RBM20: variants seen among roughly 807,000 people sequenced by gnomAD.
RBM20 encodes RNA-binding protein 20.
RBM20 carries 51 observed loss-of-function variants against 110.1 expected under a neutral mutation model. That is an observed-to-expected ratio of 0.46 (90% confidence interval 0.37 to 0.59). The LOEUF is 0.59. Ranked by LOEUF, RBM20 falls within the 20% of genes least tolerant of loss-of-function variation. The pLI is 0.00. For missense variants in RBM20, 1,512 were observed against 1,574.9 expected (o/e 0.96, Z 0.68); for synonymous variants, 589 against 618.2 (o/e 0.95, Z 0.70).
chr10:110,690,656 T>C (rs1454150636), intron 1 of RBM20, among the ~76,000 whole-genome samples: 1 of 152,248 alleles, frequency 6.6e-6, no homozygotes, highest in East Asian at 1.9e-4. Context: ...GTCCTTTTTG[T>C]CTGGCTTATT....
intron 1 of RBM20, among the ~76,000 whole-genome samples, chr10:110,666,973 G>A (rs1862187519): frequency 6.6e-6 from 1 of 152,184 alleles, no homozygotes; most frequent in African/African-American, 2.4e-5. Context: ...TCCTCCCACT[G>A]TGGCCTTATT....
At chr10:110,793,808 C>T (rs993677218) in intron 5 of RBM20, among the ~76,000 whole-genome samples, 10 of 152,238 alleles carry the variant, frequency 6.6e-5, no homozygotes, top group Non-Finnish European at 1.3e-4. Context: ...GAGGCATCCT[C>T]AGGCCAAATT....
At chr10:110,645,270 T>C (rs984589654) in intron 1 of RBM20, among the ~76,000 whole-genome samples, 5 of 152,090 alleles carry the variant, frequency 3.3e-5, no homozygotes, top group Admixed American at 3.3e-4. Context: ...TCCCAATGCT[T>C]GAGAAGGTTG....
intron 1 of RBM20, among the ~76,000 whole-genome samples, chr10:110,678,989 C>T (rs1381281123): frequency 6.6e-6 from 1 of 152,082 alleles, no homozygotes; most frequent in Non-Finnish European, 1.5e-5. Flanking sequence ...TGCAGGTTCT[C>T]GGTTCAAATC....
chr10:110,821,141 A>C, intron 10 of RBM20, 134 bp from the exon 11 acceptor site: 1 of 738,908 alleles, frequency 1.4e-6, no homozygotes, highest in South Asian at 1.9e-5. Flanking sequence ...TGAGTGGTTC[A>C]CAGTAATTGT....
At chr10:110,722,126 A>G (rs1011845115) in intron 1 of RBM20, among the ~76,000 whole-genome samples, 7 of 152,178 alleles carry the variant, frequency 4.6e-5, no homozygotes, top group Admixed American at 1.3e-4. Flanking sequence ...TGTTTCCTCT[A>G]TGGAAACTTC....
intron 1 of RBM20, among the ~76,000 whole-genome samples, chr10:110,732,710 G>A (rs549811070): frequency 1.3e-5 from 2 of 152,168 alleles, no homozygotes; most frequent in African/African-American, 2.4e-5. Flanking sequence ...TCTTCAGGGA[G>A]CCTGGCTCTT....
intron 1 of RBM20, among the ~76,000 whole-genome samples, chr10:110,670,123 A>C (rs1004856982): frequency 2.6e-5 from 4 of 151,804 alleles, no homozygotes; most frequent in African/African-American, 9.7e-5. Context: ...TTTTTGTGTG[A>C]AATAATATTT....
intron 7 of RBM20, 142 bp from the exon 8 acceptor site, chr10:110,810,241 G>A (rs1844747303): frequency 1.5e-6 from 1 of 647,742 alleles, no homozygotes. Flanking sequence ...TCATCCGTTG[G>A]ATTACACCTT....
rs752100126 is a variant in RBM20 at position 110,799,723 on chromosome 10, G to A, written c.1669-64G>A. On this transcript the variant is annotated intron_variant, in intron 6 of 13. Transcript: ENST00000369519. The stretch of plus-strand genomic sequence containing the variant: ...CTTCATAGACGTGGAATCATGCCTT[G>A]TGCTGAATCTTGTTTAAGACCATTA... 18 of 1,487,616 alleles carry A rather than the reference G, an allele frequency of 1.2e-5. No individual in the cohort carries two copies. The African/African-American group carries it at 1.4e-4, about 12-fold the overall frequency. 92.2% of individuals were successfully genotyped at this position (1,487,616 alleles called of 1,614,324 possible).
intron 9 of RBM20, among the ~76,000 whole-genome samples, chr10:110,819,561 G>A (rs551690020): frequency 2.2e-4 from 33 of 152,348 alleles, no homozygotes; most frequent in African/African-American, 7.2e-4. Flanking sequence ...AGGAAAGGGA[G>A]TGTTAGTTTG....
Position 110,810,467 on chromosome 10 carries a change from G to A in RBM20, c.1880+5G>A. Reference sequence around the variant, plus strand: ...CATGTTCCGGGAAGCAGACAGGTGAGGCCCCAAGCCCCAAGTCTCCAGGCA... The same window carrying A: ...CATGTTCCGGGAAGCAGACAGGTGAAGCCCCAAGCCCCAAGTCTCCAGGCA... On this transcript the variant is annotated splice_donor_5th_base_variant and intron_variant, in intron 8 of 13. Coordinates refer to ENST00000369519, the MANE Select transcript of RBM20 (RefSeq NM_001134363.3). The A allele has an allele frequency of 6.5e-7, 1 of 1,550,034 alleles. No homozygotes were observed. The highest frequency in any genetic ancestry group is 8.7e-7 in the Non-Finnish European group (1 of 1,145,612).
chr10:110,826,118 A>G (rs953625254), intron 12 of RBM20, among the ~76,000 whole-genome samples: 2 of 152,302 alleles, frequency 1.3e-5, no homozygotes, highest in South Asian at 2.1e-4. Context: ...CTCCAAAAAG[A>G]TGGTATCAGT....
chr10:110,822,193 T>TCTG (rs1048297804), intron 11 of RBM20, among the ~76,000 whole-genome samples: 6 of 152,240 alleles, frequency 3.9e-5, no homozygotes, highest in African/African-American at 1.4e-4. Context: ...GGCAGACTTC[T>TCTG]CTGCATTTAC....
chr10:110,672,270 C>A (rs1296003364), intron 1 of RBM20, among the ~76,000 whole-genome samples: 1 of 152,192 alleles, frequency 6.6e-6, no homozygotes, highest in African/African-American at 2.4e-5. Context: ...CCGGAGAGGT[C>A]GCAGCACTTG....
At chr10:110,740,585 C>T (rs1457023769) in intron 1 of RBM20, among the ~76,000 whole-genome samples, 1 of 152,026 alleles carries the variant, frequency 6.6e-6, no homozygotes, top group African/African-American at 2.4e-5. Flanking sequence ...CCTTCCCTTC[C>T]CCCATGTCTC....
At chr10:110,780,721 G>T in intron 1 of RBM20, 80 bp from the exon 2 acceptor site, 1 of 1,425,772 alleles carries the variant, frequency 7.0e-7, no homozygotes. Flanking sequence ...GTGGGAGGGG[G>T]GACCACAGAT....
At chr10:110,712,510 T>A (rs1194558554) in intron 1 of RBM20, among the ~76,000 whole-genome samples, 5 of 152,210 alleles carry the variant, frequency 3.3e-5, no homozygotes. Context: ...CTCACCCCTG[T>A]AATCCCAGCA....
chr10:110,796,492 A>G (rs1432734081), intron 5 of RBM20, among the ~76,000 whole-genome samples: 2 of 152,216 alleles, frequency 1.3e-5, no homozygotes, highest in South Asian at 2.1e-4. Context: ...TCTGTCTTAA[A>G]AAGTATTTCA....
Sources: allele counts gnomAD v4.1 joint callset (sites outside exome capture counted in the v4.1 genomes callset), GRCh38; gene constraint gnomAD v4.1.1; transcripts MANE v1.5; gene names NCBI Gene and HGNC (gene_info 2026-07-23, HGNC 2026-07-21).